Variants in HOXA10 observed in about 807,000 individuals in gnomAD.
The protein encoded by HOXA10 is homeobox A10.
A neutral mutation model predicts 29.7 loss-of-function variants in HOXA10; 12 were observed. The ratio of observed to expected loss-of-function variants is 0.40; its 90% CI spans 0.26 to 0.65. The LOEUF is 0.65. HOXA10 is among the 30% of genes least tolerant of loss of function. The pLI, the probability that HOXA10 is intolerant of heterozygous loss-of-function variation, is 0.37. For missense variants in HOXA10, 656 were observed against 585.9 expected, an observed-to-expected ratio of 1.12 and a Z score of -1.24; for synonymous variants, 327 against 280.7, an observed-to-expected ratio of 1.16 and a Z score of -1.65.
Position 27,173,878 on chromosome 7 carries a change from G to GGGC in HOXA10, c.426_428dup (p.Pro145dup), listed in dbSNP as rs1377667228. 2.2e-5 allele frequency: 35 copies of GGGC among 1,578,168 alleles called. No homozygotes were observed. The highest frequency in any genetic ancestry group is 2.7e-5 in the Non-Finnish European group (31 of 1,162,844). ...GCGCTGGCTGGGGTGGTTGCGGCGG[G>GGGC]GGCGGCGGCTGCTGCTGGGGCGGCG... On this transcript the variant is annotated inframe_insertion, in exon 1 of 2. Coordinates refer to ENST00000283921, the MANE Select transcript of HOXA10 (RefSeq NM_018951.4).
At chr7:27,175,633 G>A (rs771028116), upstream of HOXA10, among the ~76,000 whole-genome samples, 12 of 152,210 alleles carry the variant, frequency 7.9e-5, no homozygotes, top group Non-Finnish European at 1.6e-4. Flanking sequence ...TGAGCCTCAT[G>A]CTAGTCTCAG....
rs375533482 is a variant in HOXA10 at position 27,173,867 on chromosome 7, G to T, written c.440C>A (p.Pro147Gln). The change falls in exon 1 of 2, where the codon CCA becomes CAA. Residue 147 changes from proline (P) to glutamine (Q), a missense_variant. By Grantham distance (76) the Pro-to-Gln change is moderately conservative. Coordinates refer to ENST00000283921, the MANE Select transcript of HOXA10 (RefSeq NM_018951.4). ...GGTGGCCTGCGGCGCTGGCTGGGGTGGTTGCGGCGGGGGCGGCGGCTGCTG... is the reference window on the plus strand; with the variant it reads ...GGTGGCCTGCGGCGCTGGCTGGGGTTGTTGCGGCGGGGGCGGCGGCTGCTG... ...PQQQPPPPPQ[P>Q]PQPAPQATSC... 23 of 1,595,960 alleles carry T rather than the reference G, an allele frequency of 1.4e-5. No individual in the cohort carries two copies. The highest frequency in any genetic ancestry group is 2.7e-5 in the African/African-American group (2 of 73,260).
rs1013895177 is a variant in HOXA10, at chr7:27,171,883, G to A, written c.*16C>T. The A allele has an allele frequency of 4.3e-6, 7 of 1,613,966 alleles. No individual in the cohort carries two copies. The Admixed American group carries it at 1.2e-4, about 27-fold the overall frequency. ...AGCGCTCGGGAAGTGAAAAAACCGCGTCGCCTGGAGATTCATCAGGAAAAA... is the reference window on the plus strand; with the variant it reads ...AGCGCTCGGGAAGTGAAAAAACCGCATCGCCTGGAGATTCATCAGGAAAAA... On this transcript the variant is annotated 3_prime_UTR_variant, in exon 2 of 2. Coordinates refer to ENST00000283921, the MANE Select transcript of HOXA10 (RefSeq NM_018951.4).
At chr7:27,172,931 C>T (rs893415884) in intron 1 of HOXA10, 4 of 194,670 alleles carry the variant, frequency 2.1e-5, no homozygotes, top group Non-Finnish European at 4.2e-5. Context: ...GCGCTGGCGG[C>T]TGCTTATTTT....
In HOXA10 at chr7:27,174,106, G is replaced by A; in HGVS notation, c.201C>T (p.Pro67=). ...GCAGCCCGTAGGGCAGGTCGGCGGC[G>A]GGCGGCAGGTAGACCCCGCCGTGGG... is the stretch of plus-strand genomic sequence containing the variant. The part of the protein sequence containing the change: ...YYAHGGVYLP[P]AADLPYGLQS... Residue 67 remains proline, a synonymous_variant, in exon 1 of 2, where the codon CCC becomes CCT. Transcript: ENST00000283921. 6.3e-7 allele frequency: 1 copy of A among 1,575,450 alleles called. No individual in the cohort carries two copies. Among genetic ancestry groups the A allele is most frequent in the Non-Finnish European group, 8.6e-7 (1 of 1,168,276 alleles).
upstream of HOXA10, among the ~76,000 whole-genome samples, chr7:27,175,674 G>C (rs1226799247): frequency 1.3e-5 from 2 of 152,222 alleles, no homozygotes; most frequent in African/African-American, 4.8e-5. Context: ...CAGATCCAGT[G>C]GAGCCCGGGA....
At chr7:27,176,213 A>T (rs753168640), upstream of HOXA10, among the ~76,000 whole-genome samples, 7 of 152,196 alleles carry the variant, frequency 4.6e-5, no homozygotes, top group Admixed American at 1.3e-4. Flanking sequence ...GAGAATAAGA[A>T]AGCCAGTTCT....
Position 27,174,252 on chromosome 7 carries a change from A to C in HOXA10, c.55T>G (p.Ser19Ala). Reference sequence around the variant, plus strand: ...TTCGCGGCGGGGCTCTCCGAGCATGACATTGTTGTGGGATAATTTGGCGAA... The same window carrying C: ...TTCGCGGCGGGGCTCTCCGAGCATGCCATTGTTGTGGGATAATTTGGCGAA... ...LPSPNYPTTM[S>A]CSESPAANSF... is the part of the protein sequence containing the mutation. The change falls in exon 1 of 2, where the codon TCA (serine) becomes GCA (alanine). Residue 19 changes from serine (S) to alanine (A), a missense_variant. By Grantham distance (99) the Ser-to-Ala change is moderately conservative. Transcript: ENST00000283921. 5 of 1,599,598 alleles carry C rather than the reference A, an allele frequency of 3.1e-6. No individual in the cohort carries two copies. Among genetic ancestry groups the C allele is most frequent in the Non-Finnish European group, 4.2e-6 (5 of 1,179,830 alleles).
chr7:27,171,828 G>T lies in HOXA10; in HGVS notation c.*71C>A. 1 of 1,508,980 alleles carries T rather than the reference G, an allele frequency of 6.6e-7. No individual in the cohort carries two copies. Among genetic ancestry groups the T allele is most frequent in the Non-Finnish European group, 9.2e-7 (1 of 1,085,142 alleles). 93.5% of individuals were successfully genotyped at this position (1,508,980 alleles called of 1,614,324 possible). ...GCTCCAGCACAGGTGCGAGTTCCTG[G>T]GCAGAGCCTGAAGACAGAGGGAGGG... is the stretch of plus-strand genomic sequence containing the variant. On this transcript the variant is annotated 3_prime_UTR_variant, in exon 2 of 2. Transcript: ENST00000283921.
At chr7:27,173,106 G>T in intron 1 of HOXA10, 1 of 601,164 alleles carries the variant, frequency 1.7e-6, no homozygotes, top group Non-Finnish European at 2.9e-6. Context: ...TGGTGTCCTC[G>T]TCCCTAGTCA....
rs954110250 is a variant in HOXA10 at position 27,171,629 on chromosome 7, A to C, written c.*270T>G. The C allele has an allele frequency of 1.7e-6, 1 of 597,532 alleles. No individual in the cohort carries two copies. Among genetic ancestry groups the C allele is most frequent in the Non-Finnish European group, 3.1e-6 (1 of 320,118 alleles). 37.0% of individuals were successfully genotyped at this position (597,532 alleles called of 1,614,324 possible). A position where few individuals can be genotyped will look rare whatever the true frequency, so the allele number is the denominator to read the frequency against. ...GCAAACCCAGCCCAGTCAGGACTTG[A>C]CACTTAGGACAATATCTATCTCTAT... On this transcript the variant is annotated 3_prime_UTR_variant, in exon 2 of 2. Coordinates refer to ENST00000283921, the MANE Select transcript of HOXA10 (RefSeq NM_018951.4).
At chr7:27,178,371 T>G (rs567040751), upstream of HOXA10, among the ~76,000 whole-genome samples, 1 of 152,402 alleles carries the variant, frequency 6.6e-6, no homozygotes, top group South Asian at 2.1e-4. Flanking sequence ...ATATTTGATG[T>G]GTCTGTTTTG....
upstream of HOXA10, among the ~76,000 whole-genome samples, chr7:27,177,476 G>T (rs549077865): frequency 6.6e-6 from 1 of 152,252 alleles, no homozygotes; most frequent in South Asian, 2.1e-4. Context: ...GGCTGCTGCT[G>T]GTTCAAATGA....
rs1360092701 is a variant in HOXA10 at position 27,171,868 on chromosome 7, A to C, written c.*31T>G. 6 of 1,613,072 alleles carry C rather than the reference A, an allele frequency of 3.7e-6. No individual in the cohort carries two copies. ...CAGAGGGAGGGGACCAGCGCTCGGG[A>C]AGTGAAAAAACCGCGTCGCCTGGAG... On this transcript the variant is annotated 3_prime_UTR_variant, in exon 2 of 2. Coordinates refer to ENST00000283921, the MANE Select transcript of HOXA10 (RefSeq NM_018951.4).
chr7:27,178,641 C>T (rs540843098), upstream of HOXA10, among the ~76,000 whole-genome samples: 15 of 152,306 alleles, frequency 9.8e-5, 1 homozygote, highest in Middle Eastern at 6.8e-3. Flanking sequence ...TGCTTTGCTC[C>T]GTCATAGTTT....
upstream of HOXA10, among the ~76,000 whole-genome samples, chr7:27,177,428 G>A (rs564498507): frequency 1.6e-4 from 25 of 152,268 alleles, no homozygotes; most frequent in South Asian, 1.5e-3. Context: ...GAAACGCAGC[G>A]AGACACTGCC....
chr7:27,173,908 C>T lies in HOXA10; in HGVS notation c.399G>A (p.Pro133=). ...GCGGCTGCTGCTGGGGCGGCGGCGGCGGCCCGTCAGGCGGCTCCATCCGGC... is the reference window on the plus strand; with the variant it reads ...GCGGCTGCTGCTGGGGCGGCGGCGGTGGCCCGTCAGGCGGCTCCATCCGGC... ...RSCRMEPPDG[P]PPPPQQQPPP... is the part of the protein sequence containing the mutation. Residue 133 remains proline (P), a synonymous_variant, in exon 1 of 2, where the codon CCG becomes CCA. Transcript: ENST00000283921. 3.9e-6 allele frequency: 6 copies of T among 1,524,632 alleles called. No homozygotes were observed. The South Asian group carries it at 6.2e-5, about 16-fold the overall frequency. The allele number at this position is 1,524,632 out of a possible 1,614,324, so 94.4% of individuals were successfully genotyped here.
chr7:27,174,391 C>A (rs1783608200), upstream of HOXA10: 2 of 1,566,972 alleles, frequency 1.3e-6, no homozygotes, highest in Non-Finnish European at 1.7e-6. Flanking sequence ...CCAGAGTTTC[C>A]GCGCGACCAC....
In HOXA10 at chr7:27,174,099, C is replaced by T. The variant is rs1445208677; in HGVS notation, c.208G>A (p.Asp70Asn). ...CAGCTCTGCAGCCCGTAGGGCAGGT[C>T]GGCGGCGGGCGGCAGGTAGACCCCG... ...HGGVYLPPAA[D>N]LPYGLQSCGL... is the part of the protein sequence containing the mutation. The change falls in exon 1 of 2, where the codon GAC becomes AAC. Residue 70 changes from aspartate to asparagine, a missense_variant. Asp to Asn is a conservative substitution (Grantham distance 23, BLOSUM62 1). Coordinates refer to ENST00000283921, the MANE Select transcript of HOXA10 (RefSeq NM_018951.4). 6.4e-7 allele frequency: 1 copy of T among 1,568,062 alleles called. No homozygotes were observed. Among genetic ancestry groups the T allele is most frequent in the Non-Finnish European group, 8.6e-7 (1 of 1,164,244 alleles).
Sources: gnomAD v4.1 joint callset for allele counts (sites outside exome capture counted in the v4.1 genomes callset) on GRCh38, gnomAD v4.1.1 for gene constraint, MANE v1.5 for transcripts, NCBI Gene and HGNC (gene_info 2026-07-23, HGNC 2026-07-21) for gene names.